Variants in STAU2 observed in about 807,000 individuals in gnomAD.
The protein encoded by STAU2 is double-stranded RNA-binding protein Staufen homolog 2.
Under a neutral mutation model 65.9 loss-of-function variants are expected in STAU2, and 20 were observed. The ratio of observed to expected loss-of-function variants is 0.30; its 90% confidence interval spans 0.21 to 0.44. The LOEUF (loss-of-function observed/expected upper bound fraction) is 0.44, where lower values mean the gene tolerates loss of function less well. STAU2 is among the 20% of genes least tolerant of loss of function. The pLI, the probability that STAU2 is intolerant of heterozygous loss-of-function variation, is 1.00. For synonymous variants in STAU2, 232 were observed against 233.9 expected (o/e 0.99, Z 0.07); for missense variants, 558 against 683.9 (o/e 0.82, Z 2.05).
intron 6 of STAU2, among the ~76,000 whole-genome samples, chr8:73,622,687 A>C (rs1426698954): frequency 6.6e-6 from 1 of 152,218 alleles, no homozygotes; most frequent in Non-Finnish European, 1.5e-5. Flanking sequence ...AAGGGATCTA[A>C]AGTAAGGCCC....
At chr8:73,481,011 A>G (rs1398653265) in intron 13 of STAU2, among the ~76,000 whole-genome samples, 1 of 152,146 alleles carries the variant, frequency 6.6e-6, no homozygotes, top group Non-Finnish European at 1.5e-5. Context: ...ACACATATAA[A>G]AGAATACATA....
At chr8:73,464,445 A>G (rs1282403954) in intron 13 of STAU2, among the ~76,000 whole-genome samples, 2 of 152,228 alleles carry the variant, frequency 1.3e-5, no homozygotes, top group Non-Finnish European at 2.9e-5. Flanking sequence ...TCCAACTGCC[A>G]ATCTTGAAAT....
At chr8:73,667,470 C>T (rs1817322590) in intron 6 of STAU2, among the ~76,000 whole-genome samples, 1 of 152,158 alleles carries the variant, frequency 6.6e-6, no homozygotes, top group African/African-American at 2.4e-5. Context: ...TCTCAGGATT[C>T]CTAGCCTTTG....
intron 13 of STAU2, among the ~76,000 whole-genome samples, chr8:73,460,753 C>T (rs147318158): frequency 2.0e-5 from 3 of 152,190 alleles, no homozygotes; most frequent in African/African-American, 7.2e-5. Flanking sequence ...AGACACTATA[C>T]ACAGCTTTAT....
chr8:73,589,748 A>G (rs890563905), intron 11 of STAU2, among the ~76,000 whole-genome samples: 2 of 152,176 alleles, frequency 1.3e-5, no homozygotes, highest in Admixed American at 1.3e-4. Context: ...ACTCCAAGGA[A>G]AAGAGGGAGA....
At chr8:73,449,618 C>T (rs539080927) in intron 13 of STAU2, among the ~76,000 whole-genome samples, 4 of 152,306 alleles carry the variant, frequency 2.6e-5, no homozygotes, top group Admixed American at 1.3e-4. Flanking sequence ...AGGGCAGCAG[C>T]GAGCTCAGAT....
intron 13 of STAU2, among the ~76,000 whole-genome samples, chr8:73,502,261 A>G (rs1821803028): frequency 3.2e-5 from 2 of 61,888 alleles, no homozygotes; most frequent in Non-Finnish European, 5.7e-5. Flanking sequence ...GAATTGCAGA[A>G]GCACCAGAAA....
At position 73,481,516 on chromosome 8, in the gene STAU2, C is replaced by CAAAA. The variant is rs33917654; in HGVS notation, c.1531-58818_1531-58815dup. Among the ~76,000 whole-genome samples the CAAAA allele has an allele frequency of 1.1e-3, 153 of 137,628 alleles. 2 individuals carry two copies. In the South Asian group the frequency reaches 0.026, roughly 23 times the overall value. The allele number at this position is 137,628 out of a possible 152,430, so 90.3% of individuals were successfully genotyped here. A position where few individuals can be genotyped will look rare whatever the true frequency, so the allele number is the denominator to read the frequency against. On this transcript the variant is annotated intron_variant, in intron 13 of 14. Transcript: ENST00000524300. ...AAAATAAGCCAAAAAAACAAAAAAA[C>CAAAA]AAAAAAAAAAAACACTTTTTTTGAG... is the stretch of plus-strand genomic sequence containing the variant.
rs56744849 is a variant in STAU2 at position 73,690,328 on chromosome 8, C to CAAAAA, written c.115-1520_115-1516dup. Among the ~76,000 whole-genome samples the CAAAAA allele has an allele frequency of 1.1e-3, 62 of 58,184 alleles. 3 individuals carry two copies. The highest frequency in any genetic ancestry group is 2.8e-3 in the African/African-American group (43 of 15,204). 38.2% of individuals were successfully genotyped at this position (58,184 alleles called of 152,430 possible). On this transcript the variant is annotated intron_variant, in intron 4 of 14. Transcript: ENST00000524300. ...TGGGTGACAGAGCGAGACTCTGTCTCAAAAAAAAAAAAAAAAAAGGAAAAG... is the reference window on the plus strand; with the variant it reads ...TGGGTGACAGAGCGAGACTCTGTCTCAAAAAAAAAAAAAAAAAAAAAAAGGAAAAG...
At chr8:73,561,240 A>G (rs983484355) in intron 12 of STAU2, among the ~76,000 whole-genome samples, 1 of 152,182 alleles carries the variant, frequency 6.6e-6, no homozygotes, top group Admixed American at 6.5e-5. Flanking sequence ...GAGTTCAGGA[A>G]TTCCCCAGAA....
chr8:73,638,177 CA>C (rs548405983), intron 6 of STAU2, among the ~76,000 whole-genome samples: 145 of 151,782 alleles, frequency 9.6e-4, no homozygotes, highest in African/African-American at 3.2e-3. Context: ...ATAGTATTTA[CA>C]TTAATATTTG....
chr8:73,562,233 C>G (rs1046831263), intron 12 of STAU2, among the ~76,000 whole-genome samples: 18 of 152,190 alleles, frequency 1.2e-4, no homozygotes, highest in African/African-American at 4.1e-4. Flanking sequence ...CACCTGTGAT[C>G]CCAACACTTT....
chr8:73,615,728 T>C lies in STAU2; in HGVS notation c.625A>G (p.Ile209Val). 2 of 1,613,870 alleles carry C rather than the reference T, an allele frequency of 1.2e-6. No homozygotes were observed. The highest frequency in any genetic ancestry group is 1.7e-6 in the Non-Finnish European group (2 of 1,179,964). ...DDDKDANKSE[I>V]SLVFEIALKR... is the part of the protein sequence containing the mutation. The stretch of plus-strand genomic sequence containing the variant: ...AGAGCAATTTCAAACACTAAGCTGA[T>C]CTCAGACTTATTTGCATCTTTGTCA... Residue 209 changes from isoleucine (I) to valine (V), a missense_variant, in exon 8 of 15, where the codon ATC becomes GTC. By Grantham distance (29) the Ile-to-Val change is conservative (BLOSUM62 3). This residue lies in a region of STAU2 where 199 missense variants were observed against 299.5 expected (regional missense o/e 0.66). Coordinates refer to ENST00000524300, the MANE Select transcript of STAU2 (RefSeq NM_001164380.2).
At chr8:73,727,361 T>A (rs1208722285) in intron 3 of STAU2, among the ~76,000 whole-genome samples, 3 of 152,188 alleles carry the variant, frequency 2.0e-5, no homozygotes, top group Non-Finnish European at 4.4e-5. Flanking sequence ...CAACACCCAT[T>A]AGGCAGTTGC....
chr8:73,598,225 ACTT>A (rs1811344058), intron 10 of STAU2, among the ~76,000 whole-genome samples: 1 of 143,202 alleles, frequency 7.0e-6, no homozygotes, highest in African/African-American at 2.6e-5. Context: ...AAAGAAGAAA[ACTT>A]TTTTTTTTTT....
At chr8:73,455,801 C>T (rs535002194) in intron 13 of STAU2, among the ~76,000 whole-genome samples, 15 of 152,156 alleles carry the variant, frequency 9.9e-5, no homozygotes, top group Admixed American at 4.6e-4. Context: ...GAGACTACAA[C>T]GTGTCTCTGT....
At chr8:73,658,406 T>G (rs538077689) in intron 6 of STAU2, among the ~76,000 whole-genome samples, 10 of 152,172 alleles carry the variant, frequency 6.6e-5, no homozygotes, top group African/African-American at 2.4e-4. Flanking sequence ...TTCACCACCA[T>G]TTATCACAAT....
chr8:73,658,933 AC>A (rs1457281563), intron 6 of STAU2, among the ~76,000 whole-genome samples: 2 of 52,678 alleles, frequency 3.8e-5, no homozygotes, highest in East Asian at 2.5e-3. Context: ...AACAACAACA[AC>A]AAAAACAACA....
intron 13 of STAU2, among the ~76,000 whole-genome samples, chr8:73,500,958 C>T (rs1244734484): frequency 6.6e-6 from 1 of 151,854 alleles, no homozygotes; most frequent in African/African-American, 2.4e-5. Context: ...GACAACTTTA[C>T]TCATTTCAAA....
Sources: gnomAD v4.1 joint callset for allele counts (sites outside exome capture counted in the v4.1 genomes callset) on GRCh38, gnomAD v4.1.1 for gene constraint, gnomAD v4.1.1 regional missense constraint, MANE v1.5 for transcripts, NCBI Gene and HGNC (gene_info 2026-07-23, HGNC 2026-07-21) for gene names.